Variants in TRHDE observed in about 807,000 individuals in gnomAD.
TRHDE encodes the protein thyrotropin releasing hormone degrading enzyme, also known as thyrotropin-releasing hormone-degrading ectoenzyme.
Under a neutral mutation model 125.7 loss-of-function variants are expected in TRHDE, and 72 were observed. The ratio of observed to expected loss-of-function variants is 0.57; its 90% confidence interval spans 0.47 to 0.70. The LOEUF (loss-of-function observed/expected upper bound fraction) is 0.70, where lower values mean the gene tolerates loss of function less well. Ranked by LOEUF, TRHDE falls within the 30% of genes least tolerant of loss-of-function variation. TRHDE has a pLI of 0.00. For synonymous variants in TRHDE, 509 were observed against 509.1 expected (o/e 1.00, Z 0.00); for missense variants, 1,110 against 1,327.1 (o/e 0.84, Z 2.54).
At chr12:72,217,122 T>G (rs981498070) in intron 2 of TRHDE, among the ~76,000 whole-genome samples, 1 of 152,110 alleles carries the variant, frequency 6.6e-6, no homozygotes, top group African/African-American at 2.4e-5. Context: ...GGATAATGTT[T>G]ACTGGCAAGA....
chr12:72,629,776 T>C (rs1873405124), intron 15 of TRHDE, among the ~76,000 whole-genome samples: 2 of 151,606 alleles, frequency 1.3e-5, no homozygotes, highest in Admixed American at 6.6e-5. Context: ...CACATTTTCC[T>C]AATGTAATAT....
intron 1 of TRHDE, among the ~76,000 whole-genome samples, chr12:72,275,885 A>G (rs955454037): frequency 2.0e-5 from 3 of 152,176 alleles, no homozygotes; most frequent in Non-Finnish European, 4.4e-5. Context: ...ATCCCAATAG[A>G]AATGCAGAAC....
intron 2 of TRHDE, among the ~76,000 whole-genome samples, chr12:72,291,848 T>C (rs541545294): frequency 1.3e-5 from 2 of 152,294 alleles, no homozygotes; most frequent in East Asian, 3.9e-4. Flanking sequence ...CCAGTCCCCA[T>C]AGATACCAAG....
chr12:72,320,932 G>T (rs924603050), intron 2 of TRHDE, among the ~76,000 whole-genome samples: 5 of 152,062 alleles, frequency 3.3e-5, no homozygotes, highest in African/African-American at 1.2e-4. Flanking sequence ...ATTAAATAAT[G>T]CATGAGCCTC....
chr12:72,534,318 G>A (rs887420790), intron 6 of TRHDE, among the ~76,000 whole-genome samples: 3 of 152,202 alleles, frequency 2.0e-5, no homozygotes, highest in African/African-American at 4.8e-5. Context: ...ATTTATGACT[G>A]TGGAGGAGAG....
intron 3 of TRHDE, among the ~76,000 whole-genome samples, chr12:72,392,027 A>C (rs1051861063): frequency 3.3e-5 from 5 of 152,156 alleles, no homozygotes; most frequent in African/African-American, 9.7e-5. Context: ...AGAGGAAGAG[A>C]GATCTCTCTC....
At chr12:72,295,378 G>A (rs1423307124) in intron 2 of TRHDE, among the ~76,000 whole-genome samples, 1 of 152,134 alleles carries the variant, frequency 6.6e-6, no homozygotes, top group Non-Finnish European at 1.5e-5. Flanking sequence ...TGCTCCAGAT[G>A]GCCCACTGCT....
intron 12 of TRHDE, 62 bp downstream of exon 12, chr12:72,575,604 C>G (rs1190270625): frequency 7.1e-7 from 1 of 1,399,416 alleles, no homozygotes; most frequent in Non-Finnish European, 1.0e-6. Context: ...CTGTATTAAA[C>G]TGCATAATAT....
At chr12:72,640,237 A>T (rs376046140) in intron 15 of TRHDE, among the ~76,000 whole-genome samples, 4 of 152,156 alleles carry the variant, frequency 2.6e-5, no homozygotes, top group Admixed American at 6.5e-5. Flanking sequence ...TCGGAAAAGC[A>T]CAGTATTCGG....
chr12:72,203,342 C>T (rs1443843012), intron 2 of TRHDE, among the ~76,000 whole-genome samples: 3 of 152,160 alleles, frequency 2.0e-5, no homozygotes, highest in African/African-American at 7.2e-5. Flanking sequence ...GTGGCAGGCG[C>T]CTGTAGTCCC....
At chr12:72,531,555 G>A (rs1868555816) in intron 6 of TRHDE, among the ~76,000 whole-genome samples, 1 of 151,766 alleles carries the variant, frequency 6.6e-6, no homozygotes, top group Non-Finnish European at 1.5e-5. Context: ...ATAAAGATGT[G>A]CTTTTTTTCA....
intron 5 of TRHDE, among the ~76,000 whole-genome samples, chr12:72,491,331 T>G (rs750487600): frequency 6.6e-6 from 1 of 151,878 alleles, no homozygotes; most frequent in African/African-American, 2.4e-5. Flanking sequence ...GTGATTGACA[T>G]TATTTGAAGC....
chr12:72,185,344 C>T (rs1877183137), intron 2 of TRHDE, among the ~76,000 whole-genome samples: 1 of 152,244 alleles, frequency 6.6e-6, no homozygotes, highest in African/African-American at 2.4e-5. Context: ...CCATGGGCTC[C>T]TGTGCCGCCC....
intron 2 of TRHDE, among the ~76,000 whole-genome samples, chr12:72,211,570 T>C (rs1035508102): frequency 6.6e-6 from 1 of 152,170 alleles, no homozygotes; most frequent in African/African-American, 2.4e-5. Flanking sequence ...TATTCAGAGG[T>C]GTTGATAATA....
chr12:72,471,463 C>A (rs1399630889), intron 4 of TRHDE, among the ~76,000 whole-genome samples: 1 of 152,184 alleles, frequency 6.6e-6, no homozygotes, highest in East Asian at 1.9e-4. Flanking sequence ...GTTCGGAGAA[C>A]TGGATTTCAT....
chr12:72,522,366 T>A (rs968005468), intron 6 of TRHDE, among the ~76,000 whole-genome samples: 3 of 152,226 alleles, frequency 2.0e-5, no homozygotes, highest in African/African-American at 7.2e-5. Context: ...TTTAGAAACA[T>A]CCTAGTTATC....
chr12:72,608,591 A>G (rs1313569157), intron 12 of TRHDE, among the ~76,000 whole-genome samples: 6 of 152,180 alleles, frequency 3.9e-5, no homozygotes, highest in Non-Finnish European at 8.8e-5. Context: ...GGTTAAGAAC[A>G]TGGCTTTGGC....
At chr12:72,341,798 G>A (rs1328539877) in intron 2 of TRHDE, among the ~76,000 whole-genome samples, 1 of 152,144 alleles carries the variant, frequency 6.6e-6, no homozygotes, top group Non-Finnish European at 1.5e-5. Context: ...TGTATCTGCG[G>A]ACAAATGTAT....
At chr12:72,483,729 G>T (rs977250746) in intron 5 of TRHDE, among the ~76,000 whole-genome samples, 1 of 151,734 alleles carries the variant, frequency 6.6e-6, no homozygotes, top group South Asian at 2.1e-4. Context: ...TTTGCTCTGG[G>T]TTATCAAAAT....
Sources: allele counts gnomAD v4.1 joint callset (sites outside exome capture counted in the v4.1 genomes callset), GRCh38; gene constraint gnomAD v4.1.1; transcripts MANE v1.5; gene names NCBI Gene and HGNC (gene_info 2026-07-23, HGNC 2026-07-21).